ELF2: variants seen among roughly 807,000 people sequenced by gnomAD.
ELF2 encodes the protein E74 like ETS transcription factor 2.
A neutral mutation model predicts 54.8 loss-of-function variants in ELF2; 11 were observed. The observed-to-expected ratio is 0.20, with a 90% confidence interval of 0.13 to 0.33. The LOEUF (loss-of-function observed/expected upper bound fraction) is 0.33. Ranked by LOEUF, ELF2 falls within the 10% of genes least tolerant of loss-of-function variation. ELF2 has a pLI of 1.00. For synonymous variants in ELF2, 203 were observed against 245.1 expected, an observed-to-expected ratio of 0.83 and a Z score of 1.61; for missense variants, 513 against 703.0, an observed-to-expected ratio of 0.73 and a Z score of 3.06.
In ELF2 at chr4:139,168,740, TTTG is replaced by T. The variant is rs1361480645; in HGVS notation, c.-252+8224_-252+8226del. On this transcript the variant is annotated intron_variant, in intron 1 of 9. Coordinates refer to ENST00000686138, the MANE Select transcript of ELF2 (RefSeq NM_001331036.3). Reference sequence around the variant, plus strand: ...CCAAAGAAAGATCCCTTTTGTTTTATTTGTTTTTTTAGAGACAGGGTCTCACCA... The same window carrying T: ...CCAAAGAAAGATCCCTTTTGTTTTATTTTTTTTAGAGACAGGGTCTCACCA... Among the ~76,000 whole-genome samples the T allele has an allele frequency of 5.3e-5, 8 of 152,152 alleles. No homozygotes were observed. The South Asian group carries it at 1.2e-3, about 24-fold the overall frequency.
At chr4:139,105,888 C>A (rs747371266) in intron 4 of ELF2, among the ~76,000 whole-genome samples, 2 of 152,234 alleles carry the variant, frequency 1.3e-5, no homozygotes, top group East Asian at 3.9e-4. Flanking sequence ...TAAAACCCTG[C>A]CTCAAAATAA....
chr4:139,152,202 A>G (rs1740070711), intron 1 of ELF2, among the ~76,000 whole-genome samples: 1 of 152,238 alleles, frequency 6.6e-6, no homozygotes, highest in South Asian at 2.1e-4. Flanking sequence ...ATTTTACTAC[A>G]TGTAAATTAA....
intron 4 of ELF2, among the ~76,000 whole-genome samples, chr4:139,087,287 C>T (rs1732075274): frequency 6.6e-6 from 1 of 152,154 alleles, no homozygotes; most frequent in Admixed American, 6.5e-5. Flanking sequence ...TTCAGTAATT[C>T]ATTCATTTAT....
intron 4 of ELF2, among the ~76,000 whole-genome samples, chr4:139,100,852 T>C (rs912378054): frequency 6.6e-5 from 10 of 152,310 alleles, no homozygotes; most frequent in African/African-American, 2.2e-4. Context: ...ATGGTGAGCA[T>C]AGATTGCTGG....
chr4:139,094,592 T>C (rs1479410650), intron 4 of ELF2, among the ~76,000 whole-genome samples: 2 of 152,126 alleles, frequency 1.3e-5, no homozygotes, highest in Non-Finnish European at 2.9e-5. Context: ...TTTAAAAAAG[T>C]AGGAAACAGA....
chr4:139,172,801 G>A (rs1355508266), intron 1 of ELF2, among the ~76,000 whole-genome samples: 1 of 127,224 alleles, frequency 7.9e-6, no homozygotes, highest in Non-Finnish European at 1.5e-5. Flanking sequence ...TACAGATACA[G>A]AAAAAAATAA....
chr4:139,115,348 G>GCC, intron 4 of ELF2: 1 of 1,267,564 alleles, frequency 7.9e-7, no homozygotes, highest in Non-Finnish European at 1.0e-6. Flanking sequence ...CCAACGCCGC[G>GCC]CCCCCCGCGG....
At chr4:139,120,907 T>G (rs950056629) in intron 4 of ELF2, among the ~76,000 whole-genome samples, 1 of 152,220 alleles carries the variant, frequency 6.6e-6, no homozygotes, top group East Asian at 1.9e-4. Context: ...TTAATTATAT[T>G]TCCCTCAGTT....
intron 1 of ELF2, among the ~76,000 whole-genome samples, chr4:139,149,504 C>T (rs1723869420): frequency 6.6e-6 from 1 of 152,120 alleles, no homozygotes; most frequent in South Asian, 2.1e-4. Context: ...GTCCCAGCTA[C>T]TTGAGAGGCT....
In ELF2 at chr4:139,137,822, T is replaced by C; in HGVS notation, c.-121A>G. 2 of 1,414,398 alleles carry C rather than the reference T, an allele frequency of 1.4e-6. No homozygotes were observed. Among genetic ancestry groups the C allele is most frequent in the Non-Finnish European group, 1.8e-6 (2 of 1,083,174 alleles). The allele number at this position is 1,414,398 out of a possible 1,614,324, so 87.6% of individuals were successfully genotyped here. ...AAAAGTCAATAGAGATGGAGTGGAG[T>C]AGATATCCAGAAATCCAGTCTTCTA... is the stretch of plus-strand genomic sequence containing the variant. On this transcript the variant is annotated 5_prime_UTR_variant, in exon 3 of 10. Transcript: ENST00000686138.
intron 4 of ELF2, among the ~76,000 whole-genome samples, chr4:139,118,903 A>C (rs2148824546): frequency 6.6e-6 from 1 of 151,998 alleles, no homozygotes; most frequent in African/African-American, 2.4e-5. Context: ...TGACAGTGAA[A>C]CACTCTGAAA....
chr4:139,164,646 A>G (rs1741543758), intron 1 of ELF2, among the ~76,000 whole-genome samples: 1 of 152,202 alleles, frequency 6.6e-6, no homozygotes, highest in South Asian at 2.1e-4. Flanking sequence ...CAAAACAACA[A>G]CAAATATCTA....
intron 1 of ELF2, among the ~76,000 whole-genome samples, chr4:139,151,097 A>C (rs1038004048): frequency 6.7e-6 from 1 of 149,632 alleles, no homozygotes; most frequent in African/African-American, 2.5e-5. Context: ...AGAAAGAAAA[A>C]GAGAGCTATT....
chr4:139,137,886 T>C lies in ELF2; in HGVS notation c.-166-19A>G, dbSNP rs529385346. The C allele has an allele frequency of 9.2e-5, 119 of 1,294,480 alleles. No individual in the cohort carries two copies. Among genetic ancestry groups the C allele is most frequent in the Non-Finnish European group, 1.2e-4 (118 of 1,019,004 alleles). The allele number at this position is 1,294,480 out of a possible 1,614,324, so 80.2% of individuals were successfully genotyped here. On this transcript the variant is annotated intron_variant, in intron 2 of 9. Transcript: ENST00000686138. ...AGAAAGCCTAAAAAGAGGAAGAATT[T>C]GAAAAGTTATTTTAAAAATTACAGG...
At chr4:139,116,659 T>C (rs1735753807) in intron 4 of ELF2, 1 of 985,402 alleles carries the variant, frequency 1.0e-6, no homozygotes, top group South Asian at 4.7e-5. Flanking sequence ...CAGCATTGTC[T>C]TCCTTCTGGC....
intron 1 of ELF2, among the ~76,000 whole-genome samples, chr4:139,139,799 TC>T (rs1185992664): frequency 6.6e-6 from 1 of 152,096 alleles, no homozygotes; most frequent in Admixed American, 6.5e-5. Context: ...CTTTTTTTTT[TC>T]TCCATTGGGC....
chr4:139,164,388 C>T (rs1741514757), intron 1 of ELF2, among the ~76,000 whole-genome samples: 1 of 152,176 alleles, frequency 6.6e-6, no homozygotes. Context: ...GTAGTCCCAG[C>T]ACTTTGGGAG....
At chr4:139,097,384 G>A (rs1040224907) in intron 4 of ELF2, among the ~76,000 whole-genome samples, 2 of 152,124 alleles carry the variant, frequency 1.3e-5, no homozygotes, top group Non-Finnish European at 2.9e-5. Flanking sequence ...GGGAGGCCAA[G>A]GCGGGCAGAT....
chr4:139,065,368 T>G (rs1361409864), intron 7 of ELF2, among the ~76,000 whole-genome samples: 1 of 152,064 alleles, frequency 6.6e-6, no homozygotes, highest in Non-Finnish European at 1.5e-5. Context: ...TCCCAGCTAC[T>G]TGGGAGGCTG....
Sources: allele counts gnomAD v4.1 joint callset (sites outside exome capture counted in the v4.1 genomes callset), GRCh38; gene constraint gnomAD v4.1.1; transcripts MANE v1.5; gene names NCBI Gene and HGNC (gene_info 2026-07-23, HGNC 2026-07-21).